Variants in KIF11 observed in about 807,000 individuals in gnomAD.
KIF11 encodes kinesin family member 11.
In KIF11, 9 loss-of-function variants were observed where a neutral mutation model predicts 121.0. The observed-to-expected ratio is 0.07, with a 90% CI of 0.04 to 0.13. KIF11 has a LOEUF of 0.13. KIF11 is among the 10% of genes least tolerant of loss of function. The pLI is 1.00. For missense variants in KIF11, 846 were observed against 1,217.5 expected (o/e 0.69, Z 4.54); for synonymous variants, 408 against 421.0 (o/e 0.97, Z 0.38).
intron 18 of KIF11, among the ~76,000 whole-genome samples, chr10:92,647,303 A>G (rs1419072249): frequency 6.6e-6 from 1 of 152,092 alleles, no homozygotes; most frequent in Non-Finnish European, 1.5e-5. Flanking sequence ...AATAACCTGT[A>G]TATCAAAAGA....
At position 92,636,382 on chromosome 10, in the gene KIF11, C is replaced by CAAGGT. The variant is rs949746817; in HGVS notation, c.1876-801_1876-797dup. ...GGCTCATCTCAGCACTTTGGGAGGC[C>CAAGGT]AAGGTGGGTGGATCACTTGAGGTCA... is the stretch of plus-strand genomic sequence containing the variant. On this transcript the variant is annotated intron_variant, in intron 14 of 21. Coordinates refer to ENST00000260731, the MANE Select transcript of KIF11 (RefSeq NM_004523.4). 9.9e-5 allele frequency among the ~76,000 whole-genome samples: 15 copies of CAAGGT among 151,984 alleles called. No individual in the cohort carries two copies. In the South Asian group the frequency reaches 1.9e-3, roughly 19 times the overall value.
Position 92,613,725 on chromosome 10 carries a change from T to C in KIF11, c.1032+106T>C. 2.7e-6 allele frequency: 3 copies of C among 1,110,424 alleles called. No individual in the cohort carries two copies. The highest frequency in any genetic ancestry group is 2.5e-5 in the East Asian group (1 of 39,564). The allele number at this position is 1,110,424 out of a possible 1,614,324, so 68.8% of individuals were successfully genotyped here. A position where few individuals can be genotyped will look rare whatever the true frequency, so the allele number is the denominator to read the frequency against. On this transcript the variant is annotated intron_variant, in intron 8 of 21. Transcript: ENST00000260731. The surrounding 1 kb of genome is among the most constrained non-coding windows in gnomAD (Gnocchi z 4.2). ...TAGGATGGACACAGTGACTCACACC[T>C]GTAAACCCAGCACTTTGGAAGTCCA...
intron 19 of KIF11, among the ~76,000 whole-genome samples, chr10:92,649,484 A>G (rs564233623): frequency 5.3e-5 from 8 of 152,316 alleles, no homozygotes; most frequent in African/African-American, 1.9e-4. Flanking sequence ...GATTACTCCT[A>G]TCAAAGTAAT....
chr10:92,620,209 TA>T (rs2135909151), intron 9 of KIF11, among the ~76,000 whole-genome samples: 1 of 151,708 alleles, frequency 6.6e-6, no homozygotes, highest in South Asian at 2.1e-4. Flanking sequence ...GCCTCCTGAG[TA>T]GCTGGGACTA....
intron 19 of KIF11, among the ~76,000 whole-genome samples, 192 bp from the exon 20 acceptor site, chr10:92,649,641 TAA>T (rs1437815489): frequency 1.3e-5 from 2 of 152,162 alleles, no homozygotes; most frequent in East Asian, 1.9e-4. Flanking sequence ...TTGAAAACAG[TAA>T]AGTCTGTCAT....
chr10:92,608,938 A>T, intron 4 of KIF11, 82 bp from the exon 5 acceptor site: 1 of 710,864 alleles, frequency 1.4e-6, no homozygotes, highest in Non-Finnish European at 2.2e-6. Context: ...ATGTTTAAAT[A>T]TATTATAAAG....
chr10:92,609,374 A>G lies in KIF11; in HGVS notation c.574-11A>G. ...CCAATCTAATGGATGTTCTTTTGGT[A>G]TTTTGGTCAGAGAGGAGTGATAATT... is the stretch of plus-strand genomic sequence containing the variant. On this transcript the variant is annotated splice_polypyrimidine_tract_variant and intron_variant, in intron 5 of 21. Transcript: ENST00000260731. The G allele has an allele frequency of 6.2e-7, 1 of 1,601,640 alleles. No individual in the cohort carries two copies. The highest frequency in any genetic ancestry group is 1.4e-5 in the African/African-American group (1 of 72,236).
rs763882247 is a variant in KIF11 at position 92,633,603 on chromosome 10, T to C, written c.1703-20T>C. The C allele has an allele frequency of 6.4e-7, 1 of 1,552,246 alleles. No homozygotes were observed. The highest frequency in any genetic ancestry group is 8.8e-7 in the Non-Finnish European group (1 of 1,135,344). ...ATATTTATGTCAAAGTTTACATCTT[T>C]CTGTTTTTGTTTGTTATAGGTAATC... On this transcript the variant is annotated intron_variant, in intron 13 of 21. Coordinates refer to ENST00000260731, the MANE Select transcript of KIF11 (RefSeq NM_004523.4).
chr10:92,612,131 GTTT>G (rs1301052754), intron 6 of KIF11, among the ~76,000 whole-genome samples: 4 of 148,822 alleles, frequency 2.7e-5, no homozygotes, highest in African/African-American at 9.9e-5. Flanking sequence ...TTGCTTGTTT[GTTT>G]TTTTGTGATT....
intron 14 of KIF11, 149 bp downstream of exon 14, chr10:92,633,944 C>T (rs190325688): frequency 1.0e-5 from 6 of 575,448 alleles, no homozygotes; most frequent in African/African-American, 3.8e-5. Context: ...GTCATAGACA[C>T]GTCACTGTGA....
intron 11 of KIF11, among the ~76,000 whole-genome samples, 171 bp from the exon 12 acceptor site, chr10:92,630,005 C>CA (rs932314687): frequency 3.3e-5 from 5 of 152,150 alleles, no homozygotes; most frequent in African/African-American, 9.7e-5. Flanking sequence ...TATTTAATCT[C>CA]AAAGTGTTGA....
intron 16 of KIF11, 119 bp downstream of exon 16, chr10:92,637,664 A>G (rs1844822040): frequency 2.2e-6 from 2 of 897,746 alleles, no homozygotes; most frequent in Non-Finnish European, 3.4e-6. Flanking sequence ...ACCTGAAAAT[A>G]CCATAGCCAC....
rs2135904922 is a variant in KIF11, at chr10:92,613,136, C to T, written c.789+6C>T. 2 of 1,594,108 alleles carry T rather than the reference C, an allele frequency of 1.3e-6. No homozygotes were observed. The highest frequency in any genetic ancestry group is 2.2e-5 in the East Asian group (1 of 44,734). On this transcript the variant is annotated splice_donor_region_variant and intron_variant, in intron 7 of 21. Transcript: ENST00000260731. The surrounding 1 kb of genome is among the most constrained non-coding windows in gnomAD (Gnocchi z 4.2). ...AAATCGGAAAGTTGAACTTGGTAAG[C>T]ATCCACCTTAATACTACTGTTTCAC... is the stretch of plus-strand genomic sequence containing the variant.
chr10:92,605,365 A>G (rs1261951336), intron 1 of KIF11, among the ~76,000 whole-genome samples: 1 of 152,118 alleles, frequency 6.6e-6, no homozygotes, highest in Non-Finnish European at 1.5e-5. Context: ...TACTCAACTT[A>G]TTAGTCATTA....
At position 92,593,282 on chromosome 10, in the gene KIF11, A is replaced by T; in HGVS notation, c.-94A>T. 7.6e-7 allele frequency: 1 copy of T among 1,307,334 alleles called. No individual in the cohort carries two copies. The highest frequency in any genetic ancestry group is 1.1e-6 in the Non-Finnish European group (1 of 940,346). The allele number at this position is 1,307,334 out of a possible 1,614,324, so 81.0% of individuals were successfully genotyped here. On this transcript the variant is annotated 5_prime_UTR_variant, in exon 1 of 22. Transcript: ENST00000260731. ...GCCACGCCAGCGCCCGAGAGGGACC[A>T]GGGAGACTCCGGCCCCTGTCGGCCG...
chr10:92,614,167 G>A (rs1484121851), intron 8 of KIF11, among the ~76,000 whole-genome samples: 1 of 150,758 alleles, frequency 6.6e-6, no homozygotes, highest in Non-Finnish European at 1.5e-5. Context: ...CGCGATCTCG[G>A]CTCACTGCAA....
chr10:92,615,448 C>CTTA (rs2135906374), intron 8 of KIF11, among the ~76,000 whole-genome samples: 1 of 151,676 alleles, frequency 6.6e-6, no homozygotes, highest in Admixed American at 6.6e-5. Context: ...ACTGCCCCTT[C>CTTA]ATTAAAAAAA....
Position 92,653,320 on chromosome 10 carries a change from T to C in KIF11, c.3040-345T>C, listed in dbSNP as rs1361689168. Reference sequence around the variant, plus strand: ...CTCAAAGCCAGTAGCACTCCCTGATTGTAACACCAAAAAAGTCTCTCAGCA... The same window carrying C: ...CTCAAAGCCAGTAGCACTCCCTGATCGTAACACCAAAAAAGTCTCTCAGCA... On this transcript the variant is annotated intron_variant, in intron 21 of 21. Transcript: ENST00000260731. Among the ~76,000 whole-genome samples, 3 of 152,198 alleles carry C rather than the reference T, an allele frequency of 2.0e-5. No individual in the cohort carries two copies. In the South Asian group the frequency reaches 6.2e-4, roughly 31 times the overall value.
chr10:92,606,663 T>C lies in KIF11; in HGVS notation c.255T>C (p.Val85=), dbSNP rs2135900779. 6.3e-7 allele frequency: 1 copy of C among 1,599,050 alleles called. No homozygotes were observed. The highest frequency in any genetic ancestry group is 2.2e-5 in the East Asian group (1 of 44,804). ...AACAGATTGATGTTTACCGAAGTGT[T>C]GTTTGTCCAATTCTGGATGAAGTTA... The part of the protein sequence containing the change: ...STKQIDVYRS[V]VCPILDEVIM... The change falls in exon 3 of 22, where the codon GTT becomes GTC. Residue 85 remains valine (V), a synonymous_variant. Coordinates refer to ENST00000260731, the MANE Select transcript of KIF11 (RefSeq NM_004523.4).
Sources: gnomAD v4.1 joint callset for allele counts (sites outside exome capture counted in the v4.1 genomes callset) on GRCh38, gnomAD v4.1.1 for gene constraint, Gnocchi (gnomAD v3.1) non-coding constraint, MANE v1.5 for transcripts, NCBI Gene and HGNC (gene_info 2026-07-23, HGNC 2026-07-21) for gene names.